Variants in MAPK8IP3 observed in about 807,000 individuals in gnomAD.
MAPK8IP3 encodes mitogen-activated protein kinase 8 interacting protein 3.
Under a neutral mutation model 157.8 loss-of-function variants are expected in MAPK8IP3, and 49 were observed. That is an observed-to-expected ratio of 0.31 (90% CI 0.25 to 0.39). The LOEUF is 0.39. Ranked by LOEUF, MAPK8IP3 falls within the 10% of genes least tolerant of loss-of-function variation. The pLI, the probability that MAPK8IP3 is intolerant of heterozygous loss-of-function variation, is 1.00. For synonymous variants in MAPK8IP3, 897 were observed against 777.7 expected (o/e 1.15, Z -2.55); for missense variants, 1,478 against 1,889.4 (o/e 0.78, Z 4.04).
chr16:1,759,621 G>A (rs1000254151), intron 10 of MAPK8IP3, among the ~76,000 whole-genome samples: 10 of 152,160 alleles, frequency 6.6e-5, no homozygotes, highest in Admixed American at 1.3e-4. Flanking sequence ...AACATCACTC[G>A]CCTAGGGTGG....
intron 1 of MAPK8IP3, among the ~76,000 whole-genome samples, chr16:1,715,344 C>T (rs1242319663): frequency 6.6e-6 from 1 of 152,120 alleles, no homozygotes; most frequent in Non-Finnish European, 1.5e-5. Context: ...CAGAGCCACC[C>T]CCTGCACGTC....
chr16:1,764,259 G>A (rs2042125294), intron 18 of MAPK8IP3, 42 bp from the exon 19 acceptor site: 1 of 1,594,732 alleles, frequency 6.3e-7, no homozygotes. Context: ...GCGGGAGGCT[G>A]GGGAGTGCCG....
chr16:1,745,213 G>C (rs1216082776), intron 5 of MAPK8IP3: 1 of 982,992 alleles, frequency 1.0e-6, no homozygotes, highest in Non-Finnish European at 1.2e-6. Context: ...GCCACCATGA[G>C]GGTCAGGAGC....
Position 1,762,949 on chromosome 16 carries a change from A to G in MAPK8IP3, c.1841A>G (p.Asn614Ser). The G allele has an allele frequency of 6.2e-7, 1 of 1,612,958 alleles. No individual in the cohort carries two copies. ...ACTGCCGGCTTCAGCCAGCGCCGCA[A>G]CCATGCCATGTGCCCGATCTCGGCA... ...PTTAGFSQRRNHAMCPISAGS... is the reference protein window; with the variant it reads ...PTTAGFSQRRSHAMCPISAGS... The change falls in exon 16 of 32, where the codon AAC (asparagine) becomes AGC (serine). Residue 614 changes from asparagine (N) to serine (S), a missense_variant. Transcript: ENST00000610761.
Position 1,724,551 on chromosome 16 carries a change from G to T in MAPK8IP3, c.319-6G>T, listed in dbSNP as rs2038744283. ...TGACTGCTCTTTCCCTCCCTTCCAT[G>T]CACAGAAATTCATTGAGTTTGAAGA... On this transcript the variant is annotated splice_polypyrimidine_tract_variant and splice_region_variant and intron_variant, in intron 1 of 31. Transcript: ENST00000610761. This position sits in a 1 kb window ranked among gnomAD's most constrained non-coding sequence, Gnocchi z 4.1. 2 of 1,612,612 alleles carry T rather than the reference G, an allele frequency of 1.2e-6. No individual in the cohort carries two copies. The highest frequency in any genetic ancestry group is 8.5e-7 in the Non-Finnish European group (1 of 1,179,798).
chr16:1,729,803 C>T lies in MAPK8IP3; in HGVS notation c.602+225C>T, dbSNP rs1255569885. Among the ~76,000 whole-genome samples, 7 of 152,160 alleles carry T rather than the reference C, an allele frequency of 4.6e-5. No homozygotes were observed. In the East Asian group the frequency reaches 1.4e-3, roughly 29 times the overall value. On this transcript the variant is annotated intron_variant, in intron 4 of 31. Coordinates refer to ENST00000610761, the MANE Select transcript of MAPK8IP3 (RefSeq NM_001318852.2). Reference sequence around the variant, plus strand: ...ACGGACATGTGTCGAGCCCGTGTGTCCCTTCTGCTCGGTCCACAATTCAGT... The same window carrying T: ...ACGGACATGTGTCGAGCCCGTGTGTTCCTTCTGCTCGGTCCACAATTCAGT...
At chr16:1,765,306 C>G in intron 20 of MAPK8IP3, 128 bp downstream of exon 20, 1 of 1,160,036 alleles carries the variant, frequency 8.6e-7, no homozygotes, top group Non-Finnish European at 1.2e-6. Context: ...TGGCAGTGGA[C>G]GGTGGGAGGG....
At position 1,744,499 on chromosome 16, in the gene MAPK8IP3, C is replaced by T. The variant is rs541038941; in HGVS notation, c.747+1023C>T. On this transcript the variant is annotated intron_variant, in intron 5 of 31. Transcript: ENST00000610761. ...ATGGCATCTGGAACGCTCTCCTGTCCTCCCTGTGCTCAGGGCTGGAGAGAG... is the reference window on the plus strand; with the variant it reads ...ATGGCATCTGGAACGCTCTCCTGTCTTCCCTGTGCTCAGGGCTGGAGAGAG... 39 of 985,644 alleles carry T rather than the reference C, an allele frequency of 4.0e-5. 1 individual carries two copies. In the South Asian group the frequency reaches 1.5e-3, roughly 38 times the overall value. 61.1% of individuals were successfully genotyped at this position (985,644 alleles called of 1,614,324 possible). A position where few individuals can be genotyped will look rare whatever the true frequency, so the allele number is the denominator to read the frequency against.
chr16:1,729,152 G>A lies in MAPK8IP3; in HGVS notation c.454G>A (p.Glu152Lys), dbSNP rs1296146764. ...GTGTTTTCCAGTTTCCCGGTTGGAG[G>A]AGCGGGAGTCGGAGATGAAGAAGGA... is the stretch of plus-strand genomic sequence containing the variant. ...NYADQISRLEERESEMKKEYN... is the reference protein window; with the variant it reads ...NYADQISRLEKRESEMKKEYN... The change falls in exon 3 of 32, where the codon GAG becomes AAG. Residue 152 changes from glutamate to lysine, a missense_variant. By Grantham distance (56) the Glu-to-Lys change is moderately conservative (BLOSUM62 1). This residue lies in a region of MAPK8IP3 where 315 missense variants were observed against 394.4 expected (regional missense o/e 0.80). Transcript: ENST00000610761. 1 of 1,614,130 alleles carries A rather than the reference G, an allele frequency of 6.2e-7. No individual in the cohort carries two copies. Among genetic ancestry groups the A allele is most frequent in the South Asian group, 1.1e-5 (1 of 91,086 alleles).
chr16:1,738,493 ACCGT>A (rs1360519774), intron 4 of MAPK8IP3, among the ~76,000 whole-genome samples: 2 of 98,902 alleles, frequency 2.0e-5, no homozygotes, highest in Admixed American at 1.2e-4. Context: ...TGAGCGTGTG[ACCGT>A]CCGTGTGTGT....
In MAPK8IP3 at chr16:1,767,581, C is replaced by T. The variant is rs764456223; in HGVS notation, c.3255C>T (p.His1085=). Residue 1085 remains histidine (H), a synonymous_variant, in exon 27 of 32, where the codon CAC becomes CAT. Transcript: ENST00000610761. The part of the protein sequence containing the change: ...TMQIEKSFDA[H]PRRESQVRQL... ...CTCCACAGAAGTCATTTGACGCCCACCCGCGGCGGGAGAGCCAGGTGCGGC... is the reference window on the plus strand; with the variant it reads ...CTCCACAGAAGTCATTTGACGCCCATCCGCGGCGGGAGAGCCAGGTGCGGC... 1.6e-5 allele frequency: 26 copies of T among 1,612,086 alleles called. No homozygotes were observed. Among genetic ancestry groups the T allele is most frequent in the Non-Finnish European group, 2.1e-5 (25 of 1,179,724 alleles).
chr16:1,768,293 C>A lies in MAPK8IP3; in HGVS notation c.3657C>A (p.Ser1219Arg), dbSNP rs752037484. 15 of 1,610,750 alleles carry A rather than the reference C, an allele frequency of 9.3e-6. No individual in the cohort carries two copies. Among genetic ancestry groups the A allele is most frequent in the Non-Finnish European group, 1.3e-5 (15 of 1,179,994 alleles). ...GDDSSDRAAS[S>R]FIPYCSMAQA... is the part of the protein sequence containing the mutation. ...ACAGCAGTGACAGGGCGGCCAGCAG[C>A]TTCATCCCCTACTGCTCCATGGCCC... The change falls in exon 30 of 32, where the codon AGC becomes AGA. Residue 1219 changes from serine (S) to arginine (R), a missense_variant. Coordinates refer to ENST00000610761, the MANE Select transcript of MAPK8IP3 (RefSeq NM_001318852.2).
At chr16:1,749,320 C>T (rs1170990323) in intron 8 of MAPK8IP3, among the ~76,000 whole-genome samples, 3 of 152,216 alleles carry the variant, frequency 2.0e-5, no homozygotes, top group Admixed American at 1.3e-4. Context: ...GCCCCATCTT[C>T]TGCACACACC....
chr16:1,754,631 G>A (rs750361323), intron 8 of MAPK8IP3, among the ~76,000 whole-genome samples: 1 of 152,018 alleles, frequency 6.6e-6, no homozygotes, highest in African/African-American at 2.4e-5. Flanking sequence ...AATTACCCGG[G>A]TGTGGTGGCG....
chr16:1,743,938 G>A lies in MAPK8IP3; in HGVS notation c.747+462G>A. 1 of 1,006,886 alleles carries A rather than the reference G, an allele frequency of 9.9e-7. No individual in the cohort carries two copies. Among genetic ancestry groups the A allele is most frequent in the Non-Finnish European group, 1.2e-6 (1 of 843,858 alleles). The allele number at this position is 1,006,886 out of a possible 1,614,324, so 62.4% of individuals were successfully genotyped here. A position where few individuals can be genotyped will look rare whatever the true frequency, so the allele number is the denominator to read the frequency against. On this transcript the variant is annotated intron_variant, in intron 5 of 31. Coordinates refer to ENST00000610761, the MANE Select transcript of MAPK8IP3 (RefSeq NM_001318852.2). The surrounding 1 kb of genome is among the most constrained non-coding windows in gnomAD (Gnocchi z 5.6). ...GTTTGCCCTCCGTTGGCAGAAAGGT[G>A]AGGAGAAAGCTCCTCTTCTCTGGGC...
intron 16 of MAPK8IP3, among the ~76,000 whole-genome samples, chr16:1,763,315 C>T (rs1234410718): frequency 6.6e-6 from 1 of 152,272 alleles, no homozygotes; most frequent in Non-Finnish European, 1.5e-5. Flanking sequence ...AGGCGTCTGT[C>T]CAGCAGGGAG....
At position 1,768,808 on chromosome 16, in the gene MAPK8IP3, C is replaced by T. The variant is rs757532816; in HGVS notation, c.3998C>T (p.Ser1333Phe). ...ERSHIIVWQVSYTPE is the reference protein window; with the variant it reads ...ERSHIIVWQVFYTPE ...AGTCACATCATCGTGTGGCAGGTGT[C>T]CTACACCCCCGAGTGAAGCTGCTGC... is the stretch of plus-strand genomic sequence containing the variant. Residue 1333 changes from serine to phenylalanine, a missense_variant, in exon 32 of 32, where the codon TCC becomes TTC. By Grantham distance (155) the Ser-to-Phe change is radical. Coordinates refer to ENST00000610761, the MANE Select transcript of MAPK8IP3 (RefSeq NM_001318852.2). 1.2e-6 allele frequency: 2 copies of T among 1,612,392 alleles called. No homozygotes were observed. Among genetic ancestry groups the T allele is most frequent in the South Asian group, 1.1e-5 (1 of 91,080 alleles).
At chr16:1,764,021 C>G in intron 17 of MAPK8IP3, 94 bp from the exon 18 acceptor site, 2 of 1,293,938 alleles carry the variant, frequency 1.5e-6, no homozygotes, top group South Asian at 2.9e-5. Flanking sequence ...AGTGGCTGTG[C>G]CGCCAGAAGC....
intron 1 of MAPK8IP3, among the ~76,000 whole-genome samples, chr16:1,711,888 C>T (rs797010509): frequency 3.5e-4 from 51 of 146,528 alleles, no homozygotes; most frequent in African/African-American, 1.2e-3. Context: ...TGCAGTGAGC[C>T]GAGATTGCAA....
Sources: allele counts gnomAD v4.1 joint callset (sites outside exome capture counted in the v4.1 genomes callset), GRCh38; gene constraint gnomAD v4.1.1; regional missense constraint gnomAD v4.1.1; non-coding constraint Gnocchi (gnomAD v3.1); transcripts MANE v1.5; gene names NCBI Gene and HGNC (gene_info 2026-07-23, HGNC 2026-07-21).